GRID1: variants seen among roughly 807,000 people sequenced by gnomAD.
The protein encoded by GRID1 is glutamate receptor ionotropic, delta-1.
GRID1 carries 28 observed loss-of-function variants against 98.0 expected under a neutral mutation model. The ratio of observed to expected loss-of-function variants is 0.29; its 90% CI spans 0.21 to 0.39. The LOEUF (loss-of-function observed/expected upper bound fraction) is 0.39, where lower values mean the gene tolerates loss of function less well. Ranked by LOEUF, GRID1 falls within the 10% of genes least tolerant of loss-of-function variation. The probability of loss-of-function intolerance (pLI) is 1.00; values close to 1 mark genes in which losing one functional copy is unlikely to be tolerated. For missense variants in GRID1, 1,111 were observed against 1,340.5 expected, an observed-to-expected ratio of 0.83 and a Z score of 2.67; for synonymous variants, 553 against 538.5, an observed-to-expected ratio of 1.03 and a Z score of -0.37.
intron 12 of GRID1, among the ~76,000 whole-genome samples, chr10:85,704,464 T>C (rs1436669288): frequency 6.6e-6 from 1 of 152,192 alleles, no homozygotes; most frequent in Non-Finnish European, 1.5e-5. Flanking sequence ...CCCAGATTCA[T>C]AAAGCAAGTC....
rs557480699 is a variant in GRID1 at position 86,243,940 on chromosome 10, C to T, written c.236-37292G>A. On this transcript the variant is annotated intron_variant, in intron 2 of 15. Transcript: ENST00000327946. ...CACGTGCCACACATGTGCACACAAG[C>T]ACATGCATACATACCTGCACATACA... is the stretch of plus-strand genomic sequence containing the variant. 1.8e-4 allele frequency among the ~76,000 whole-genome samples: 27 copies of T among 152,352 alleles called. 1 individual carries two copies. The East Asian group carries it at 5.2e-3, about 29-fold the overall frequency.
chr10:86,290,059 C>T (rs1847491498), intron 2 of GRID1, among the ~76,000 whole-genome samples: 1 of 152,224 alleles, frequency 6.6e-6, no homozygotes, highest in Non-Finnish European at 1.5e-5. Flanking sequence ...CTGAAGCTAG[C>T]CCATCCTTGG....
chr10:85,817,805 C>A (rs1287642974), intron 8 of GRID1, among the ~76,000 whole-genome samples: 1 of 151,846 alleles, frequency 6.6e-6, no homozygotes, highest in Non-Finnish European at 1.5e-5. Flanking sequence ...GCAGGAGAAT[C>A]GCTTGAACCC....
chr10:86,293,283 G>T (rs928628071), intron 2 of GRID1, among the ~76,000 whole-genome samples: 1 of 152,162 alleles, frequency 6.6e-6, no homozygotes, highest in Admixed American at 6.5e-5. Context: ...GGAGGGAGAA[G>T]GAGCCATCGC....
At chr10:85,906,726 G>A (rs1841466654) in intron 5 of GRID1, among the ~76,000 whole-genome samples, 1 of 152,136 alleles carries the variant, frequency 6.6e-6, no homozygotes, top group Non-Finnish European at 1.5e-5. Context: ...ATCAAGATTT[G>A]TGGGATGTCA....
intron 12 of GRID1, 83 bp downstream of exon 12, chr10:85,722,920 T>A: frequency 8.0e-7 from 1 of 1,242,544 alleles, no homozygotes; most frequent in Non-Finnish European, 1.1e-6. Context: ...CTCTCCATCA[T>A]ACCACACTGC....
intron 2 of GRID1, among the ~76,000 whole-genome samples, chr10:86,243,631 C>A (rs2814340): frequency 1.3e-5 from 2 of 152,142 alleles, no homozygotes; most frequent in Non-Finnish European, 2.9e-5. Context: ...AGTGTCAATT[C>A]TATCATCTCC....
intron 4 of GRID1, among the ~76,000 whole-genome samples, chr10:86,132,321 C>T (rs558252139): frequency 3.9e-5 from 6 of 152,332 alleles, no homozygotes; most frequent in South Asian, 4.1e-4. Context: ...AGCCAGGCCC[C>T]GCGTTCTGGC....
intron 4 of GRID1, among the ~76,000 whole-genome samples, chr10:85,986,449 G>A (rs941016786): frequency 1.3e-5 from 2 of 152,248 alleles, no homozygotes; most frequent in Non-Finnish European, 2.9e-5. Context: ...GGGAAATTGT[G>A]TTAGTTGCAG....
At position 86,365,640 on chromosome 10, in the gene GRID1, C is replaced by T. The variant is rs1464061954; in HGVS notation, c.79+674G>A. ...GACCACGCAAAACTCTAGGACTGTC[C>T]AGGATGGGGATGCAGTCGCCACAAC... is the stretch of plus-strand genomic sequence containing the variant. On this transcript the variant is annotated intron_variant, in intron 1 of 15. Coordinates refer to ENST00000327946, the MANE Select transcript of GRID1 (RefSeq NM_017551.3). This position sits in a 1 kb window ranked among gnomAD's most constrained non-coding sequence, Gnocchi z 4.8. Among the ~76,000 whole-genome samples, 2 of 151,596 alleles carry T rather than the reference C, an allele frequency of 1.3e-5. No individual in the cohort carries two copies. Among genetic ancestry groups the T allele is most frequent in the Non-Finnish European group, 2.9e-5 (2 of 67,928 alleles).
intron 8 of GRID1, among the ~76,000 whole-genome samples, chr10:85,781,227 A>T (rs1338053202): frequency 6.6e-6 from 1 of 152,214 alleles, no homozygotes; most frequent in African/African-American, 2.4e-5. Context: ...TTAAAAAATC[A>T]ATATCAAATT....
chr10:86,280,932 G>A (rs1188502898), intron 2 of GRID1, among the ~76,000 whole-genome samples: 1 of 152,174 alleles, frequency 6.6e-6, no homozygotes, highest in East Asian at 1.9e-4. Context: ...CTTACAGACA[G>A]GCTGAAAATA....
intron 2 of GRID1, among the ~76,000 whole-genome samples, chr10:86,273,418 G>A (rs1481644290): frequency 6.7e-6 from 1 of 148,502 alleles, no homozygotes; most frequent in African/African-American, 2.5e-5. Flanking sequence ...AGTCCTTTGG[G>A]TATATACCCA....
chr10:85,656,822 A>G (rs761275096), intron 12 of GRID1, among the ~76,000 whole-genome samples: 2 of 152,272 alleles, frequency 1.3e-5, no homozygotes, highest in Non-Finnish European at 2.9e-5. Context: ...TAGTCTCTCT[A>G]AGAATCTCCT....
At chr10:85,747,429 T>C (rs1282995132) in intron 8 of GRID1, among the ~76,000 whole-genome samples, 1 of 152,166 alleles carries the variant, frequency 6.6e-6, no homozygotes, top group Non-Finnish European at 1.5e-5. Context: ...GTCAGCATTT[T>C]GCAAGCTTCC....
chr10:86,005,250 G>A (rs1283681734), intron 4 of GRID1, among the ~76,000 whole-genome samples: 1 of 151,828 alleles, frequency 6.6e-6, no homozygotes, highest in Non-Finnish European at 1.5e-5. Flanking sequence ...AACCACGATG[G>A]CTCCCATCTT....
intron 3 of GRID1, among the ~76,000 whole-genome samples, chr10:86,183,194 G>A (rs1845681173): frequency 1.3e-5 from 2 of 151,874 alleles, no homozygotes; most frequent in South Asian, 4.2e-4. Context: ...TTCTAGTTTT[G>A]TATAAATGTA....
chr10:86,207,484 C>T (rs1050216611), intron 2 of GRID1, among the ~76,000 whole-genome samples: 5 of 152,160 alleles, frequency 3.3e-5, no homozygotes, highest in African/African-American at 4.8e-5. Flanking sequence ...CTTGTAGCCA[C>T]GTGCGTACAC....
intron 3 of GRID1, among the ~76,000 whole-genome samples, chr10:86,166,019 G>A (rs1234600918): frequency 2.0e-5 from 3 of 152,282 alleles, no homozygotes; most frequent in East Asian, 1.9e-4. Context: ...CATTCATTAC[G>A]GCTTGGCTAA....
Sources: allele counts gnomAD v4.1 joint callset (sites outside exome capture counted in the v4.1 genomes callset), GRCh38; gene constraint gnomAD v4.1.1; non-coding constraint Gnocchi (gnomAD v3.1); transcripts MANE v1.5; gene names NCBI Gene and HGNC (gene_info 2026-07-23, HGNC 2026-07-21).